CBFB: variants seen among roughly 807,000 people sequenced by gnomAD.
CBFB encodes the protein core-binding factor subunit beta, also known as CBF-beta.
CBFB carries 9 observed loss-of-function variants against 30.4 expected under a neutral mutation model. The observed-to-expected ratio is 0.30, with a 90% confidence interval of 0.18 to 0.52. CBFB has a LOEUF of 0.52. Ranked by LOEUF, CBFB falls within the 20% of genes least tolerant of loss-of-function variation. The pLI, the probability that CBFB is intolerant of heterozygous loss-of-function variation, is 0.97. For synonymous variants in CBFB, 94 were observed against 84.0 expected, an observed-to-expected ratio of 1.12 and a Z score of -0.65; for missense variants, 170 against 244.0, an observed-to-expected ratio of 0.70 and a Z score of 2.02.
intron 4 of CBFB, among the ~76,000 whole-genome samples, chr16:67,079,837 A>C (rs534230821): frequency 4.6e-5 from 7 of 152,120 alleles, no homozygotes; most frequent in Non-Finnish European, 7.4e-5. Context: ...CGTTTCTTCA[A>C]GTGTACCATC....
At chr16:67,088,032 A>C (rs1324445036) in intron 5 of CBFB, among the ~76,000 whole-genome samples, 2 of 152,200 alleles carry the variant, frequency 1.3e-5, no homozygotes, top group Admixed American at 1.3e-4. Context: ...TATGACCTAG[A>C]GCATAGAGAA....
chr16:67,043,849 T>C (rs1966576874), intron 3 of CBFB, among the ~76,000 whole-genome samples: 1 of 152,240 alleles, frequency 6.6e-6, no homozygotes, highest in African/African-American at 2.4e-5. Flanking sequence ...CAGTGTGCCT[T>C]AGGTAAGCTT....
intron 3 of CBFB, among the ~76,000 whole-genome samples, chr16:67,041,720 C>T (rs899615986): frequency 5.3e-5 from 8 of 149,700 alleles, no homozygotes; most frequent in Non-Finnish European, 5.9e-5. Flanking sequence ...GTTGGTTTAG[C>T]GCATGTGAGG....
At chr16:67,048,397 G>A (rs1966668670) in intron 3 of CBFB, among the ~76,000 whole-genome samples, 1 of 152,164 alleles carries the variant, frequency 6.6e-6, no homozygotes, top group Non-Finnish European at 1.5e-5. Flanking sequence ...GGAGAGAATT[G>A]AGCTTTTTGG....
intron 2 of CBFB, among the ~76,000 whole-genome samples, chr16:67,035,703 A>G (rs1464472488): frequency 6.6e-6 from 1 of 152,220 alleles, no homozygotes; most frequent in Admixed American, 6.5e-5. Flanking sequence ...ATGGAAACCA[A>G]TTATGCTTCA....
intron 4 of CBFB, among the ~76,000 whole-genome samples, chr16:67,069,782 A>G (rs1289036251): frequency 2.0e-5 from 3 of 152,322 alleles, no homozygotes; most frequent in South Asian, 4.1e-4. Context: ...TCTTGAAATC[A>G]TAGAGGCTAG....
chr16:67,082,132 A>G (rs2145771060), intron 4 of CBFB, 81 bp from the exon 5 acceptor site: 2 of 1,072,564 alleles, frequency 1.9e-6, no homozygotes, highest in Non-Finnish European at 2.5e-6. Flanking sequence ...GTTTCAGGAA[A>G]AAAAAAAAAA....
chr16:67,039,437 T>G (rs1187669706), intron 3 of CBFB, among the ~76,000 whole-genome samples: 1 of 152,180 alleles, frequency 6.6e-6, no homozygotes, highest in Non-Finnish European at 1.5e-5. Flanking sequence ...TTCTGTAGAT[T>G]ATATAAACAT....
intron 4 of CBFB, among the ~76,000 whole-genome samples, chr16:67,074,503 C>T (rs967557007): frequency 3.9e-5 from 6 of 151,968 alleles, no homozygotes; most frequent in Admixed American, 1.3e-4. Context: ...CTGCCTCAGC[C>T]TCCCAAGTAG....
At chr16:67,098,229 A>G (rs1176874919) in intron 5 of CBFB, among the ~76,000 whole-genome samples, 1 of 152,044 alleles carries the variant, frequency 6.6e-6, no homozygotes, top group Non-Finnish European at 1.5e-5. Flanking sequence ...TCCACCTCCC[A>G]GGTTCAAGGG....
At position 67,098,722 on chromosome 16, in the gene CBFB, C is replaced by G. The variant is rs1238322571; in HGVS notation, c.508C>G (p.Gln170Glu). ...HREEMEARRQ[Q>E]DPSPGSNLGG... ...TTTGTCATTGCAGGCAAGAAGACAA[C>G]AAGACCCTAGTCCTGGTTCCAATTT... The change falls in exon 6 of 6, where the codon CAA (glutamine) becomes GAA (glutamate). Residue 170 changes from glutamine (Q) to glutamate (E), a missense_variant. Coordinates refer to ENST00000412916, the MANE Select transcript of CBFB (RefSeq NM_022845.3). 1 of 1,608,490 alleles carries G rather than the reference C, an allele frequency of 6.2e-7. No individual in the cohort carries two copies. The highest frequency in any genetic ancestry group is 8.5e-7 in the Non-Finnish European group (1 of 1,175,216).
chr16:67,030,138 C>G (rs946882583), intron 2 of CBFB: 2 of 261,292 alleles, frequency 7.7e-6, no homozygotes, highest in African/African-American at 4.5e-5. Flanking sequence ...TTGTAGCAAG[C>G]AAACCCCCAT....
intron 3 of CBFB, among the ~76,000 whole-genome samples, chr16:67,055,356 T>A (rs1314820174): frequency 1.1e-4 from 15 of 142,680 alleles, no homozygotes; most frequent in Non-Finnish European, 1.3e-4. Context: ...CCAGACACTT[T>A]CTTTTTTTTT....
intron 2 of CBFB, among the ~76,000 whole-genome samples, chr16:67,031,930 G>T (rs925034656): frequency 2.0e-5 from 3 of 151,918 alleles, no homozygotes; most frequent in African/African-American, 7.3e-5. Context: ...GGGCTCAAGC[G>T]ATCCTCTTGC....
intron 3 of CBFB, among the ~76,000 whole-genome samples, chr16:67,051,136 A>AT (rs747456301): frequency 6.6e-6 from 1 of 152,204 alleles, no homozygotes; most frequent in Non-Finnish European, 1.5e-5. Flanking sequence ...CCTTTTAGGA[A>AT]TTCTTTTAAG....
At chr16:67,082,593 CTT>C (rs796567817) in intron 5 of CBFB, among the ~76,000 whole-genome samples, 2 of 152,132 alleles carry the variant, frequency 1.3e-5, no homozygotes, top group African/African-American at 4.8e-5. Context: ...AATCTCACCT[CTT>C]TTTTTCTTAT....
chr16:67,087,182 T>G (rs1007161357), intron 5 of CBFB, among the ~76,000 whole-genome samples: 18 of 152,190 alleles, frequency 1.2e-4, no homozygotes, highest in Non-Finnish European at 2.5e-4. Flanking sequence ...ATTTGGAGAT[T>G]AACTATTTGA....
intron 4 of CBFB, among the ~76,000 whole-genome samples, chr16:67,077,095 A>G (rs1183063740): frequency 1.3e-5 from 2 of 152,170 alleles, no homozygotes; most frequent in African/African-American, 4.8e-5. Context: ...ATTCAATGAG[A>G]ATGTTATTTT....
intron 5 of CBFB, 46 bp downstream of exon 5, chr16:67,082,354 C>G: frequency 6.2e-7 from 1 of 1,603,600 alleles, no homozygotes; most frequent in Non-Finnish European, 8.5e-7. Context: ...GTACTTTCCC[C>G]CAAACTCTCA....
Sources: allele counts gnomAD v4.1 joint callset (sites outside exome capture counted in the v4.1 genomes callset), GRCh38; gene constraint gnomAD v4.1.1; transcripts MANE v1.5; gene names NCBI Gene and HGNC (gene_info 2026-07-23, HGNC 2026-07-21).